Variants in AGO2 observed in about 807,000 individuals in gnomAD.
The protein encoded by AGO2 is argonaute RISC catalytic component 2, also known as protein argonaute-2.
Under a neutral mutation model 102.3 loss-of-function variants are expected in AGO2, and 5 were observed. That is an observed-to-expected ratio of 0.05 (90% CI 0.03 to 0.10). AGO2 has a LOEUF of 0.10. AGO2 is among the 10% of genes least tolerant of loss of function. The probability of loss-of-function intolerance (pLI) is 1.00; values close to 1 mark genes in which losing one functional copy is unlikely to be tolerated. For missense variants in AGO2, 541 were observed against 1,183.7 expected, an observed-to-expected ratio of 0.46 and a Z score of 7.97; for synonymous variants, 449 against 473.1, an observed-to-expected ratio of 0.95 and a Z score of 0.66.
In AGO2 at chr8:140,557,271, T is replaced by G; in HGVS notation, c.879-35A>C. 6.3e-7 allele frequency: 1 copy of G among 1,582,394 alleles called. No homozygotes were observed. The highest frequency in any genetic ancestry group is 8.6e-7 in the Non-Finnish European group (1 of 1,162,764). ...AAAGGGGCTGTTCAGGCCGAGGGCA[T>G]CCCGGAGCCCCTTCCCCTGCGCTGC... is the stretch of plus-strand genomic sequence containing the variant. On this transcript the variant is annotated intron_variant, in intron 7 of 18. Transcript: ENST00000220592. This position sits in a 1 kb window ranked among gnomAD's most constrained non-coding sequence, Gnocchi z 5.9.
At chr8:140,622,243 G>A (rs1012250325) in intron 1 of AGO2, among the ~76,000 whole-genome samples, 7 of 151,884 alleles carry the variant, frequency 4.6e-5, no homozygotes, top group African/African-American at 1.7e-4. Context: ...GAGCGAATGG[G>A]GGTGACTACT....
intron 16 of AGO2, among the ~76,000 whole-genome samples, chr8:140,538,708 T>A (rs1444306765): frequency 6.6e-6 from 1 of 152,180 alleles, no homozygotes; most frequent in African/African-American, 2.4e-5. Context: ...CATGCTGTGG[T>A]TTCTAACTGG....
chr8:140,560,581 G>T, intron 4 of AGO2, 71 bp from the exon 5 acceptor site: 1 of 1,546,816 alleles, frequency 6.5e-7, no homozygotes, highest in Non-Finnish European at 8.8e-7. Flanking sequence ...CCTCTGGGTG[G>T]GCTTCGCCTG....
chr8:140,571,249 G>A (rs2073374034), intron 3 of AGO2, among the ~76,000 whole-genome samples: 1 of 152,214 alleles, frequency 6.6e-6, no homozygotes, highest in Non-Finnish European at 1.5e-5. Context: ...CTCAGTCACA[G>A]CACGTTCTCC....
Position 140,552,756 on chromosome 8 carries a change from A to G in AGO2, c.1270-1320T>C, listed in dbSNP as rs906503937. 4.8e-3 allele frequency among the ~76,000 whole-genome samples: 680 copies of G among 142,520 alleles called. 2 individuals carry two copies. The highest frequency in any genetic ancestry group is 0.013 in the African/African-American group (480 of 36,772). The allele number at this position is 142,520 out of a possible 152,430, so 93.5% of individuals were successfully genotyped here. ...CGCGCGCGCGCACACACACACACACACACACACACACACACACTCTTACTA... is the reference window on the plus strand; with the variant it reads ...CGCGCGCGCGCACACACACACACACGCACACACACACACACACTCTTACTA... On this transcript the variant is annotated intron_variant, in intron 10 of 18. Coordinates refer to ENST00000220592, the MANE Select transcript of AGO2 (RefSeq NM_012154.5).
intron 3 of AGO2, among the ~76,000 whole-genome samples, chr8:140,570,016 C>T (rs761868526): frequency 4.6e-5 from 7 of 152,226 alleles, no homozygotes; most frequent in African/African-American, 1.4e-4. Context: ...AACCCAAAGA[C>T]GACACTGGGA....
chr8:140,595,850 ATTTATATTATATACAAT>A (rs2073826964), intron 1 of AGO2, among the ~76,000 whole-genome samples: 3 of 27,532 alleles, frequency 1.1e-4, no homozygotes, highest in African/African-American at 6.2e-4. Context: ...TATATATTAT[ATTTATATTATATACAAT>A]TGTATATTAT....
At chr8:140,620,090 T>C (rs543361904) in intron 1 of AGO2, among the ~76,000 whole-genome samples, 2 of 152,072 alleles carry the variant, frequency 1.3e-5, no homozygotes, top group African/African-American at 2.4e-5. Context: ...ACAGTCAGAA[T>C]GTGAAGGGGC....
intron 16 of AGO2, among the ~76,000 whole-genome samples, chr8:140,536,251 G>C (rs2072694488): frequency 6.6e-6 from 1 of 152,068 alleles, no homozygotes; most frequent in African/African-American, 2.4e-5. Flanking sequence ...CAAGGTCCCT[G>C]ATGAATGTTT....
At chr8:140,586,074 C>T (rs1564101513) in intron 1 of AGO2, among the ~76,000 whole-genome samples, 1 of 152,234 alleles carries the variant, frequency 6.6e-6, no homozygotes, top group South Asian at 2.1e-4. Context: ...GGCAGCATGG[C>T]CTTCCACCAA....
chr8:140,565,726 T>C (rs972968068), intron 3 of AGO2, among the ~76,000 whole-genome samples: 1 of 152,118 alleles, frequency 6.6e-6, no homozygotes, highest in Admixed American at 6.6e-5. Context: ...GTTTATGTTA[T>C]TGGTAAGGCT....
chr8:140,621,040 C>A (rs984775904), intron 1 of AGO2, among the ~76,000 whole-genome samples: 1 of 152,144 alleles, frequency 6.6e-6, no homozygotes, highest in Admixed American at 6.5e-5. Flanking sequence ...CTGAATTGTG[C>A]CCATCCATGC....
At chr8:140,536,044 GC>G (rs766686100) in intron 16 of AGO2, among the ~76,000 whole-genome samples, 1 of 152,214 alleles carries the variant, frequency 6.6e-6, no homozygotes, top group African/African-American at 2.4e-5. Flanking sequence ...CCTGTGCTTT[GC>G]CGGTAGCTTG....
intron 2 of AGO2, among the ~76,000 whole-genome samples, chr8:140,578,901 T>C (rs2073508053): frequency 6.6e-6 from 1 of 152,250 alleles, no homozygotes; most frequent in Admixed American, 6.5e-5. Flanking sequence ...TGTTTGCCCT[T>C]TTGTCATAAT....
chr8:140,551,634 A>AGAGGATGGTT (rs2072996901), intron 10 of AGO2, among the ~76,000 whole-genome samples, 198 bp from the exon 11 acceptor site: 1 of 66,912 alleles, frequency 1.5e-5, no homozygotes, highest in Non-Finnish European at 2.9e-5. Context: ...GGCTGGTGGA[A>AGAGGATGGTT]GATGGGTGGG....
At chr8:140,609,476 G>T (rs868317120) in intron 1 of AGO2, among the ~76,000 whole-genome samples, 2 of 152,182 alleles carry the variant, frequency 1.3e-5, no homozygotes, top group African/African-American at 4.8e-5. Context: ...ACGGCGGCCC[G>T]CCCATCACCC....
At chr8:140,596,440 G>A (rs1009345816) in intron 1 of AGO2, among the ~76,000 whole-genome samples, 15 of 152,212 alleles carry the variant, frequency 9.9e-5, no homozygotes, top group African/African-American at 2.6e-4. Context: ...AAAATTAGCC[G>A]GGCACGGTGG....
At chr8:140,579,536 C>T (rs1307024034) in intron 2 of AGO2, among the ~76,000 whole-genome samples, 1 of 152,144 alleles carries the variant, frequency 6.6e-6, no homozygotes, top group African/African-American at 2.4e-5. Context: ...TACTTAGTTG[C>T]CTGTGTTTCT....
chr8:140,539,281 A>G lies in AGO2; in HGVS notation c.2169+39T>C. On this transcript the variant is annotated intron_variant, in intron 16 of 18. Coordinates refer to ENST00000220592, the MANE Select transcript of AGO2 (RefSeq NM_012154.5). The surrounding 1 kb of genome is among the most constrained non-coding windows in gnomAD (Gnocchi z 4.7). ...GTGCTCGGGGTGTGGGGCTGAGGGG[A>G]GAACCGTGCCCCCTGCCTGGAGTCA... is the stretch of plus-strand genomic sequence containing the variant. 1 of 1,570,098 alleles carries G rather than the reference A, an allele frequency of 6.4e-7. No homozygotes were observed. The highest frequency in any genetic ancestry group is 8.7e-7 in the Non-Finnish European group (1 of 1,155,984).
Sources: gnomAD v4.1 joint callset for allele counts (sites outside exome capture counted in the v4.1 genomes callset) on GRCh38, gnomAD v4.1.1 for gene constraint, Gnocchi (gnomAD v3.1) non-coding constraint, MANE v1.5 for transcripts, NCBI Gene and HGNC (gene_info 2026-07-23, HGNC 2026-07-21) for gene names.